GNG12: variants seen among roughly 807,000 people sequenced by gnomAD.
GNG12 encodes the protein G protein subunit gamma 12, also known as guanine nucleotide-binding protein G(I)/G(S)/G(O) subunit gamma-12.
For missense variants in GNG12, 69 were observed against 83.8 expected, an observed-to-expected ratio of 0.82 and a Z score of 0.69; for synonymous variants, 28 against 29.7, an observed-to-expected ratio of 0.94 and a Z score of 0.19.
At position 67,743,675 on chromosome 1, in the gene GNG12, A is replaced by G. The variant is rs144295782; in HGVS notation, c.-27+33783T>C. ...CCTGAAAAAGCCCTATTTATGGCAT[A>G]TATTTTTAAAACTTCAGAAACTCAA... On this transcript the variant is annotated intron_variant, in intron 2 of 3. Coordinates refer to ENST00000370982, the MANE Select transcript of GNG12 (RefSeq NM_018841.6). 4.6e-3 allele frequency among the ~76,000 whole-genome samples: 703 copies of G among 152,326 alleles called. 5 individuals carry two copies. The highest frequency in any genetic ancestry group is 0.01 in the Middle Eastern group (3 of 294).
chr1:67,826,285 A>C (rs1647010100), intron 1 of GNG12, among the ~76,000 whole-genome samples: 2 of 152,238 alleles, frequency 1.3e-5, no homozygotes, highest in Non-Finnish European at 2.9e-5. Flanking sequence ...GCTTGATAGC[A>C]TCAGAAAGAA....
rs146547852 is a variant in GNG12 at position 67,820,720 on chromosome 1, T to C, written c.-77+12624A>G. ...ATTCAACCTCTCAGAACCTGCTTCC[T>C]CACTTGTAAATGGAGCCAGTATTCC... On this transcript the variant is annotated intron_variant, in intron 1 of 3. Coordinates refer to ENST00000370982, the MANE Select transcript of GNG12 (RefSeq NM_018841.6). Among the ~76,000 whole-genome samples the C allele has an allele frequency of 2.9e-3, 437 of 152,306 alleles. 2 individuals carry two copies. Among genetic ancestry groups the C allele is most frequent in the Middle Eastern group, 0.014 (4 of 294 alleles).
At chr1:67,790,849 C>T (rs998593634) in intron 1 of GNG12, among the ~76,000 whole-genome samples, 3 of 152,064 alleles carry the variant, frequency 2.0e-5, no homozygotes, top group Non-Finnish European at 4.4e-5. Flanking sequence ...CTCCTGACCT[C>T]GTGATCTACC....
intron 2 of GNG12, among the ~76,000 whole-genome samples, chr1:67,730,190 A>C (rs977492261): frequency 1.7e-4 from 26 of 152,202 alleles, no homozygotes; most frequent in Non-Finnish European, 3.7e-4. Context: ...TGAGTGAAAG[A>C]AGCCAAATGT....
At chr1:67,766,102 A>ACG (rs962805779) in intron 2 of GNG12, among the ~76,000 whole-genome samples, 5 of 132,802 alleles carry the variant, frequency 3.8e-5, no homozygotes, top group Non-Finnish European at 4.7e-5. Context: ...AACAAGGCAC[A>ACG]CACGCACACA....
chr1:67,831,596 T>A (rs1647045292), intron 1 of GNG12, among the ~76,000 whole-genome samples: 1 of 152,172 alleles, frequency 6.6e-6, no homozygotes, highest in Non-Finnish European at 1.5e-5. Flanking sequence ...CTTTTCAGCA[T>A]TTTTTGGACT....
intron 1 of GNG12, among the ~76,000 whole-genome samples, chr1:67,802,311 A>G (rs2100798235): frequency 6.6e-6 from 1 of 152,282 alleles, no homozygotes; most frequent in South Asian, 2.1e-4. Flanking sequence ...AATTAGGGCA[A>G]ATGGAAAAAT....
At chr1:67,763,090 GGAGAGAGAGAGA>G (rs71064962) in intron 2 of GNG12, among the ~76,000 whole-genome samples, 3 of 116,790 alleles carry the variant, frequency 2.6e-5, no homozygotes, top group South Asian at 3.3e-4. Flanking sequence ...TACCCTCCCA[GGAGAGAGAGAGA>G]GAGAGAGAGA....
intron 2 of GNG12, among the ~76,000 whole-genome samples, chr1:67,717,839 A>G (rs1646335138): frequency 6.6e-6 from 1 of 152,212 alleles, no homozygotes; most frequent in Non-Finnish European, 1.5e-5. Context: ...TAGCACAGTG[A>G]ACATGTGCTT....
At chr1:67,729,645 T>C (rs181687355) in intron 2 of GNG12, among the ~76,000 whole-genome samples, 151 of 152,322 alleles carry the variant, frequency 9.9e-4, no homozygotes, top group Middle Eastern at 3.4e-3. Context: ...TCTAAGGCTT[T>C]TAATCCATCA....
chr1:67,731,606 C>A (rs1024363073), intron 2 of GNG12, among the ~76,000 whole-genome samples: 4 of 152,128 alleles, frequency 2.6e-5, no homozygotes, highest in African/African-American at 9.7e-5. Context: ...TTGGTTCACC[C>A]GAAGCAGAGG....
chr1:67,833,124 C>G (rs147930195), intron 1 of GNG12, among the ~76,000 whole-genome samples: 1 of 151,642 alleles, frequency 6.6e-6, no homozygotes, highest in Non-Finnish European at 1.5e-5. Flanking sequence ...CCCTTCCTCC[C>G]CCTCCCCCCG....
chr1:67,768,029 A>C (rs1021122367), intron 2 of GNG12, among the ~76,000 whole-genome samples: 2 of 152,232 alleles, frequency 1.3e-5, no homozygotes, highest in Admixed American at 6.5e-5. Flanking sequence ...CCTTGGCTTC[A>C]GCCTACCAAT....
At chr1:67,746,422 C>CT (rs201057544) in intron 2 of GNG12, among the ~76,000 whole-genome samples, 34 of 150,354 alleles carry the variant, frequency 2.3e-4, no homozygotes, top group South Asian at 4.2e-4. Flanking sequence ...TTACCAAATA[C>CT]TTTTTTTTTT....
rs1437347342 is a variant in GNG12, at chr1:67,714,629, T to A, written c.-26-6917A>T. ...CAATGGACTGGAGCCAGGCAGCAGT[T>A]CTACCCTCCTCCTAGCATGCCTCAC... On this transcript the variant is annotated intron_variant, in intron 2 of 3. Coordinates refer to ENST00000370982, the MANE Select transcript of GNG12 (RefSeq NM_018841.6). Among the ~76,000 whole-genome samples, 3 of 152,164 alleles carry A rather than the reference T, an allele frequency of 2.0e-5. No individual in the cohort carries two copies. The South Asian group carries it at 6.2e-4, about 32-fold the overall frequency.
At chr1:67,826,701 T>A (rs1647012906) in intron 1 of GNG12, among the ~76,000 whole-genome samples, 1 of 152,238 alleles carries the variant, frequency 6.6e-6, no homozygotes, top group Non-Finnish European at 1.5e-5. Flanking sequence ...AGGTCTTCAA[T>A]AAGCCTCAAT....
intron 1 of GNG12, among the ~76,000 whole-genome samples, chr1:67,816,361 G>A (rs1557626417): frequency 6.6e-6 from 1 of 152,146 alleles, no homozygotes; most frequent in African/African-American, 2.4e-5. Context: ...AAATGTATTG[G>A]GAAGTTTATG....
At chr1:67,798,396 C>A (rs1646844463) in intron 1 of GNG12, among the ~76,000 whole-genome samples, 1 of 152,178 alleles carries the variant, frequency 6.6e-6, no homozygotes, top group East Asian at 1.9e-4. Context: ...CATGGAAAAA[C>A]CGTCTTCCAC....
chr1:67,765,013 C>G (rs1646627508), intron 2 of GNG12, among the ~76,000 whole-genome samples: 2 of 151,872 alleles, frequency 1.3e-5, no homozygotes, highest in South Asian at 2.1e-4. Flanking sequence ...ATTATATTGT[C>G]AAAAAATTAT....
Sources: allele counts gnomAD v4.1 joint callset (sites outside exome capture counted in the v4.1 genomes callset), GRCh38; gene constraint gnomAD v4.1.1; transcripts MANE v1.5; gene names NCBI Gene and HGNC (gene_info 2026-07-23, HGNC 2026-07-21).